CPAMD8: variants seen among roughly 807,000 people sequenced by gnomAD.
The protein encoded by CPAMD8 is C3 and PZP-like alpha-2-macroglobulin domain-containing protein 8.
CPAMD8 carries 146 observed loss-of-function variants against 224.7 expected under a neutral mutation model. The ratio of observed to expected loss-of-function variants is 0.65; its 90% CI spans 0.57 to 0.75. The LOEUF is 0.75. Ranked by LOEUF, CPAMD8 falls within the 30% of genes least tolerant of loss-of-function variation. The pLI, the probability that CPAMD8 is intolerant of heterozygous loss-of-function variation, is 0.00. For synonymous variants in CPAMD8, 966 were observed against 1,044.6 expected, an observed-to-expected ratio of 0.92 and a Z score of 1.45; for missense variants, 2,301 against 2,537.5, an observed-to-expected ratio of 0.91 and a Z score of 2.00.
chr19:16,900,683 C>T (rs567099649), intron 36 of CPAMD8, among the ~76,000 whole-genome samples: 9 of 152,040 alleles, frequency 5.9e-5, no homozygotes, highest in Admixed American at 5.9e-4. Flanking sequence ...ATCTACTCCT[C>T]AGTAGACAGA....
At chr19:17,002,154 AT>A (rs2056346068) in intron 9 of CPAMD8, 111 bp downstream of exon 9, 14 of 698,434 alleles carry the variant, frequency 2.0e-5, no homozygotes. Context: ...GGGCACACCC[AT>A]GTGGGAGGGA....
intron 10 of CPAMD8, among the ~76,000 whole-genome samples, chr19:16,998,352 T>C (rs1050175213): frequency 2.0e-5 from 3 of 152,024 alleles, no homozygotes; most frequent in Non-Finnish European, 4.4e-5. Flanking sequence ...CACAGCTACA[T>C]GGGAGGCTGA....
intron 25 of CPAMD8, 97 bp from the exon 26 acceptor site, chr19:16,925,469 G>A (rs2053327943): frequency 2.0e-6 from 2 of 989,086 alleles, no homozygotes; most frequent in African/African-American, 1.6e-5. Flanking sequence ...TGAGTGTCAT[G>A]CAGTCAGCCA....
rs1352969126 is a variant in CPAMD8 at position 16,904,286 on chromosome 19, C to T, written c.4191G>A (p.Leu1397=). 11 of 1,613,386 alleles carry T rather than the reference C, an allele frequency of 6.8e-6. No individual in the cohort carries two copies. The East Asian group carries it at 2.5e-4, about 36-fold the overall frequency. The stretch of plus-strand genomic sequence containing the variant: ...GCTGGGACAGCCACTTCACCACAGG[C>T]AGGGCGGCAGCCACGTCACCCAGCA... ...YTLLGDVAAA[L]PVVKWLSQQR... The change falls in exon 32 of 42, where the codon CTG becomes CTA. Residue 1397 remains leucine, a synonymous_variant. Coordinates refer to ENST00000443236, the MANE Select transcript of CPAMD8 (RefSeq NM_015692.5).
intron 18 of CPAMD8, among the ~76,000 whole-genome samples, chr19:16,962,391 G>A (rs546670639): frequency 3.8e-4 from 58 of 152,254 alleles, no homozygotes; most frequent in African/African-American, 9.9e-4. Context: ...ACTTTGTGAC[G>A]CAGGCACAAG....
intron 6 of CPAMD8, 195 bp downstream of exon 6, chr19:17,009,108 G>C (rs561456144): frequency 1.3e-6 from 1 of 763,650 alleles, no homozygotes; most frequent in African/African-American, 1.8e-5. Context: ...AAAAAAAAAA[G>C]GAAACGGACA....
chr19:16,909,281 A>G (rs1381327938), intron 29 of CPAMD8, among the ~76,000 whole-genome samples: 1 of 152,170 alleles, frequency 6.6e-6, no homozygotes, highest in Non-Finnish European at 1.5e-5. Context: ...ACGGTGGCTC[A>G]CGCCTGTAAT....
chr19:16,997,741 A>G (rs2056180016), intron 10 of CPAMD8, among the ~76,000 whole-genome samples: 1 of 152,050 alleles, frequency 6.6e-6, no homozygotes, highest in Admixed American at 6.6e-5. Context: ...AATCCCAGAT[A>G]CTTGGGAGGC....
At chr19:16,973,948 G>C (rs1315872953) in intron 17 of CPAMD8, among the ~76,000 whole-genome samples, 1 of 149,044 alleles carries the variant, frequency 6.7e-6, no homozygotes, top group East Asian at 2.0e-4. Context: ...TCCTGACTCA[G>C]CCTCCCAAGT....
At chr19:17,006,088 G>A (rs954860487) in intron 7 of CPAMD8, among the ~76,000 whole-genome samples, 2 of 152,006 alleles carry the variant, frequency 1.3e-5, no homozygotes, top group African/African-American at 4.8e-5. Flanking sequence ...TCAGCTTCCT[G>A]AGTAGCTGGG....
Position 16,897,785 on chromosome 19 carries a change from G to A in CPAMD8, c.4971C>T (p.Arg1657=), listed in dbSNP as rs1157376104. 3 of 1,585,966 alleles carry A rather than the reference G, an allele frequency of 1.9e-6. No individual in the cohort carries two copies. The highest frequency in any genetic ancestry group is 2.3e-5 in the East Asian group (1 of 44,076). Residue 1657 remains arginine (R), a synonymous_variant, in exon 39 of 42, where the codon CGC becomes CGT. Coordinates refer to ENST00000443236, the MANE Select transcript of CPAMD8 (RefSeq NM_015692.5). ...GGCTGTGGGTGCTGACGTTGTAGAA[G>A]CGAGTGGCCTCGAAGGCTACGGGAC... is the stretch of plus-strand genomic sequence containing the variant. ...DYYEPAFEAT[R]FYNVSTHSPL...
intron 36 of CPAMD8, 125 bp downstream of exon 36, chr19:16,901,085 G>T: frequency 1.6e-6 from 1 of 607,736 alleles, no homozygotes; most frequent in Non-Finnish European, 3.0e-6. Flanking sequence ...GAGGGAGAGG[G>T]AAGAAAAGAA....
At chr19:16,961,944 G>A (rs888315211) in intron 18 of CPAMD8, among the ~76,000 whole-genome samples, 5 of 152,226 alleles carry the variant, frequency 3.3e-5, no homozygotes, top group African/African-American at 9.6e-5. Context: ...CTGCAGCTGA[G>A]AGACCTGACG....
chr19:17,014,915 C>A (rs1206015672), intron 3 of CPAMD8, among the ~76,000 whole-genome samples: 2 of 152,236 alleles, frequency 1.3e-5, no homozygotes, highest in African/African-American at 4.8e-5. Flanking sequence ...AAGCAGATCA[C>A]CTGGGGAGCT....
chr19:16,965,147 C>A (rs1400962841), intron 18 of CPAMD8, among the ~76,000 whole-genome samples: 1 of 151,856 alleles, frequency 6.6e-6, no homozygotes, highest in Non-Finnish European at 1.5e-5. Flanking sequence ...GTAGTCCCAG[C>A]TACTCAGGAG....
intron 23 of CPAMD8, 24 bp downstream of exon 23, chr19:16,938,371 G>A (rs1307353831): frequency 2.0e-6 from 3 of 1,475,016 alleles, no homozygotes; most frequent in Non-Finnish European, 1.8e-6. Flanking sequence ...CCACACCTTA[G>A]CAGAATGGGC....
Position 16,976,104 on chromosome 19 carries a change from G to A in CPAMD8, c.1806C>T (p.Val602=), listed in dbSNP as rs759359275. Reference sequence around the variant, plus strand: ...CCCTTGCAGCCCTGATCCGCAGGTCGACAACCTCCCCAGGTTGGGTCTCAT... The same window carrying A: ...CCCTTGCAGCCCTGATCCGCAGGTCAACAACCTCCCCAGGTTGGGTCTCAT... The part of the protein sequence containing the change: ...SANETQPGEV[V]DLRIRAARGS... The change falls in exon 16 of 42, where the codon GTC becomes GTT. Residue 602 remains valine, a synonymous_variant. Coordinates refer to ENST00000443236, the MANE Select transcript of CPAMD8 (RefSeq NM_015692.5). The A allele has an allele frequency of 2.4e-5, 39 of 1,612,568 alleles. No homozygotes were observed. Among genetic ancestry groups the A allele is most frequent in the East Asian group, 1.8e-4 (8 of 44,834 alleles).
chr19:16,904,595 T>G (rs759606614), intron 30 of CPAMD8, 43 bp from the exon 31 acceptor site: 4 of 1,350,778 alleles, frequency 3.0e-6, no homozygotes, highest in Non-Finnish European at 4.3e-6. Context: ...CCACCCAGTG[T>G]GTAGCCTGGC....
chr19:17,009,669 G>A (rs2056595295), intron 5 of CPAMD8, among the ~76,000 whole-genome samples: 1 of 152,046 alleles, frequency 6.6e-6, no homozygotes, highest in Non-Finnish European at 1.5e-5. Flanking sequence ...AGCTACTCGG[G>A]AGGCTGAGGC....
Sources: allele counts gnomAD v4.1 joint callset (sites outside exome capture counted in the v4.1 genomes callset), GRCh38; gene constraint gnomAD v4.1.1; transcripts MANE v1.5; gene names NCBI Gene and HGNC (gene_info 2026-07-23, HGNC 2026-07-21).